Variants in ERLIN1 observed in about 807,000 individuals in gnomAD.
ERLIN1 encodes ER lipid raft associated 1, also known as erlin-1.
A neutral mutation model predicts 46.9 loss-of-function variants in ERLIN1; 24 were observed. The observed-to-expected ratio is 0.51, with a 90% CI of 0.37 to 0.72. The LOEUF (loss-of-function observed/expected upper bound fraction) is 0.72. ERLIN1 is among the 30% of genes least tolerant of loss of function. The probability of loss-of-function intolerance (pLI) is 0.00; values close to 1 mark genes in which losing one functional copy is unlikely to be tolerated. For synonymous variants in ERLIN1, 158 were observed against 143.2 expected, an observed-to-expected ratio of 1.10 and a Z score of -0.74; for missense variants, 293 against 417.9, an observed-to-expected ratio of 0.70 and a Z score of 2.61.
chr10:100,183,730 G>A, intron 2 of ERLIN1, 26 bp downstream of exon 2: 1 of 1,526,934 alleles, frequency 6.5e-7, no homozygotes, highest in Non-Finnish European at 9.1e-7. Flanking sequence ...TATCTGGTAT[G>A]GAGGCTTCCC....
intron 8 of ERLIN1, among the ~76,000 whole-genome samples, chr10:100,162,056 T>C (rs1843387715): frequency 6.6e-6 from 1 of 152,086 alleles, no homozygotes; most frequent in Non-Finnish European, 1.5e-5. Context: ...AATGAATTTG[T>C]CTACACAAAA....
chr10:100,177,934 G>A (rs560762059), intron 4 of ERLIN1, among the ~76,000 whole-genome samples, 199 bp downstream of exon 4: 1 of 152,288 alleles, frequency 6.6e-6, no homozygotes, highest in South Asian at 2.1e-4. Flanking sequence ...GCTCAGAGAA[G>A]AGTAACTCAT....
At chr10:100,158,914 C>T (rs1226523603) in intron 8 of ERLIN1, among the ~76,000 whole-genome samples, 1 of 152,042 alleles carries the variant, frequency 6.6e-6, no homozygotes, top group African/African-American at 2.4e-5. Flanking sequence ...GTAAATAGCA[C>T]ATAATCAAAT....
intron 1 of ERLIN1, among the ~76,000 whole-genome samples, chr10:100,184,154 C>A (rs1206337389): frequency 6.6e-6 from 1 of 152,088 alleles, no homozygotes; most frequent in Non-Finnish European, 1.5e-5. Context: ...TTAAAAAATT[C>A]TAATGGCTTT....
intron 1 of ERLIN1, among the ~76,000 whole-genome samples, chr10:100,184,768 T>C (rs1039687933): frequency 1.3e-5 from 2 of 152,200 alleles, no homozygotes; most frequent in Non-Finnish European, 2.9e-5. Flanking sequence ...TTTCTAGGAT[T>C]CAGGATGGAT....
intron 5 of ERLIN1, among the ~76,000 whole-genome samples, chr10:100,175,122 T>C (rs894708519): frequency 6.6e-6 from 1 of 152,180 alleles, no homozygotes; most frequent in Non-Finnish European, 1.5e-5. Flanking sequence ...ACTTCCACTA[T>C]CATAAATGAA....
intron 10 of ERLIN1, among the ~76,000 whole-genome samples, chr10:100,153,887 T>C (rs564344746): frequency 1.3e-5 from 2 of 152,340 alleles, no homozygotes; most frequent in East Asian, 3.9e-4. Context: ...TAGAACTGTG[T>C]CTTTCAATGT....
chr10:100,185,662 C>G lies in ERLIN1; in HGVS notation c.-36G>C, dbSNP rs1844928057. 6.4e-7 allele frequency: 1 copy of G among 1,556,658 alleles called. No individual in the cohort carries two copies. The highest frequency in any genetic ancestry group is 8.9e-7 in the Non-Finnish European group (1 of 1,127,802). ...CCTGGGAGCGGGAGAAAAGGACCCT[C>G]AGTCCCGTGAGTGACAGGTCCACCC... On this transcript the variant is annotated 5_prime_UTR_variant, in exon 1 of 11. An upstream open reading frame in the 5' UTR loses its in-frame stop. Coordinates refer to ENST00000421367, the MANE Select transcript of ERLIN1 (RefSeq NM_006459.4).
At chr10:100,159,431 T>C (rs1053932156) in intron 8 of ERLIN1, among the ~76,000 whole-genome samples, 1 of 152,132 alleles carries the variant, frequency 6.6e-6, no homozygotes, top group Non-Finnish European at 1.5e-5. Context: ...CAAATGAGTA[T>C]ATAAAGAAAC....
chr10:100,155,474 G>GTT (rs1238254341), intron 9 of ERLIN1, among the ~76,000 whole-genome samples: 1 of 151,990 alleles, frequency 6.6e-6, no homozygotes, highest in Admixed American at 6.6e-5. Context: ...TTTTGGACAG[G>GTT]TGGAAAAGAA....
intron 8 of ERLIN1, among the ~76,000 whole-genome samples, chr10:100,161,354 AT>A (rs1192546343): frequency 2.0e-5 from 3 of 152,346 alleles, no homozygotes; most frequent in African/African-American, 4.8e-5. Context: ...CAATAAAAAA[AT>A]AAAGGTATAT....
At chr10:100,174,790 AAGAGAG>A (rs140430771) in intron 5 of ERLIN1, among the ~76,000 whole-genome samples, 2 of 150,732 alleles carry the variant, frequency 1.3e-5, no homozygotes, top group African/African-American at 4.9e-5. Context: ...TTTGGATTTA[AAGAGAG>A]AGAGAGAGAG....
At chr10:100,155,673 C>T (rs1589511914) in intron 9 of ERLIN1, among the ~76,000 whole-genome samples, 1 of 151,992 alleles carries the variant, frequency 6.6e-6, no homozygotes, top group South Asian at 2.1e-4. Flanking sequence ...CGCCACCACG[C>T]CCGGCTAATT....
intron 2 of ERLIN1, among the ~76,000 whole-genome samples, chr10:100,180,831 T>A (rs1354271113): frequency 1.3e-5 from 2 of 152,294 alleles, no homozygotes; most frequent in East Asian, 3.9e-4. Context: ...TCATTCTCCA[T>A]CTTATAGGGA....
intron 5 of ERLIN1, among the ~76,000 whole-genome samples, chr10:100,175,455 A>C (rs1320785210): frequency 6.6e-6 from 1 of 152,204 alleles, no homozygotes; most frequent in East Asian, 1.9e-4. Context: ...GTGTTGTCAC[A>C]GCTTGTTGCT....
intron 2 of ERLIN1, among the ~76,000 whole-genome samples, chr10:100,182,604 T>C (rs1844724878): frequency 6.6e-6 from 1 of 152,084 alleles, no homozygotes; most frequent in African/African-American, 2.4e-5. Flanking sequence ...GTGTTACAAC[T>C]CCTGCCTTTA....
chr10:100,185,357 G>C (rs1339474969), intron 1 of ERLIN1, among the ~76,000 whole-genome samples, 157 bp downstream of exon 1: 2 of 152,132 alleles, frequency 1.3e-5, no homozygotes, highest in Admixed American at 6.5e-5. Context: ...CCAACATCTG[G>C]AGGGTGCTCC....
intron 8 of ERLIN1, among the ~76,000 whole-genome samples, chr10:100,158,083 G>A (rs550807263): frequency 2.5e-4 from 38 of 152,300 alleles, no homozygotes; most frequent in African/African-American, 8.7e-4. Context: ...AGACAAGAAG[G>A]GAGTGGGACC....
chr10:100,174,071 A>G (rs956940136), intron 6 of ERLIN1, 137 bp downstream of exon 6: 8 of 630,688 alleles, frequency 1.3e-5, no homozygotes, highest in African/African-American at 3.7e-5. Flanking sequence ...GCAGAGATCT[A>G]AAGTCAAATT....
Sources: gnomAD v4.1 joint callset for allele counts (sites outside exome capture counted in the v4.1 genomes callset) on GRCh38, gnomAD v4.1.1 for gene constraint, MANE v1.5 for transcripts, NCBI Gene and HGNC (gene_info 2026-07-23, HGNC 2026-07-21) for gene names.